Variants in PRKG1 observed in about 807,000 individuals in gnomAD.
The protein encoded by PRKG1 is cGMP-dependent protein kinase 1.
Under a neutral mutation model 88.1 loss-of-function variants are expected in PRKG1, and 35 were observed. The observed-to-expected ratio is 0.40, with a 90% CI of 0.30 to 0.53. PRKG1 has a LOEUF of 0.53. Ranked by LOEUF, PRKG1 falls within the 20% of genes least tolerant of loss-of-function variation. The pLI, the probability that PRKG1 is intolerant of heterozygous loss-of-function variation, is 0.59. For synonymous variants in PRKG1, 303 were observed against 292.5 expected, an observed-to-expected ratio of 1.04 and a Z score of -0.37; for missense variants, 540 against 839.8, an observed-to-expected ratio of 0.64 and a Z score of 4.41.
chr10:51,143,552 A>G (rs1845872571), intron 1 of PRKG1, among the ~76,000 whole-genome samples: 1 of 151,886 alleles, frequency 6.6e-6, no homozygotes, highest in African/African-American at 2.4e-5. Context: ...TCTTCATACT[A>G]TTTTCCGTAA....
intron 2 of PRKG1, among the ~76,000 whole-genome samples, chr10:51,460,160 T>A (rs565671249): frequency 6.6e-6 from 1 of 152,088 alleles, no homozygotes; most frequent in Non-Finnish European, 1.5e-5. Flanking sequence ...CAACCAGGAA[T>A]GTTTCCAGAT....
intron 2 of PRKG1, among the ~76,000 whole-genome samples, chr10:51,448,503 T>C (rs1468067660): frequency 1.3e-5 from 2 of 152,072 alleles, no homozygotes; most frequent in Non-Finnish European, 2.9e-5. Flanking sequence ...TTCTGAGGAT[T>C]GTGACTGCAT....
At chr10:51,724,173 G>A (rs559054703) in intron 3 of PRKG1, among the ~76,000 whole-genome samples, 5 of 152,254 alleles carry the variant, frequency 3.3e-5, no homozygotes, top group African/African-American at 1.2e-4. Flanking sequence ...ATTCAGTTGT[G>A]TACACTATCA....
intron 7 of PRKG1, among the ~76,000 whole-genome samples, chr10:52,132,674 ATC>A (rs1368383356): frequency 6.6e-6 from 1 of 152,092 alleles, no homozygotes; most frequent in African/African-American, 2.4e-5. Flanking sequence ...ATATGTACCT[ATC>A]TCTTTAATAT....
intron 14 of PRKG1, among the ~76,000 whole-genome samples, chr10:52,286,093 C>T (rs1393091422): frequency 6.6e-6 from 1 of 151,920 alleles, no homozygotes; most frequent in African/African-American, 2.4e-5. Flanking sequence ...CATGGAGAAA[C>T]TGATTCAGAA....
intron 1 of PRKG1, among the ~76,000 whole-genome samples, chr10:51,098,935 A>G (rs934699452): frequency 6.6e-6 from 1 of 152,196 alleles, no homozygotes; most frequent in Non-Finnish European, 1.5e-5. Context: ...CCCACCCCAG[A>G]GCAAACCTTG....
chr10:51,677,844 G>A (rs961262113), intron 3 of PRKG1, among the ~76,000 whole-genome samples: 1 of 152,186 alleles, frequency 6.6e-6, no homozygotes, highest in African/African-American at 2.4e-5. Flanking sequence ...TTGCGCATCA[G>A]AAGGAGAGGG....
At chr10:51,339,963 A>G (rs1272825478) in intron 2 of PRKG1, among the ~76,000 whole-genome samples, 1 of 152,108 alleles carries the variant, frequency 6.6e-6, no homozygotes, top group African/African-American at 2.4e-5. Context: ...TAAGGCTTTT[A>G]TCTTTCAAAA....
chr10:51,286,895 G>T (rs1840454778), intron 2 of PRKG1, among the ~76,000 whole-genome samples: 1 of 152,092 alleles, frequency 6.6e-6, no homozygotes, highest in Non-Finnish European at 1.5e-5. Context: ...TTGTCTTGTT[G>T]AGACAGGGTC....
intron 1 of PRKG1, among the ~76,000 whole-genome samples, chr10:51,086,293 G>A (rs1314683331): frequency 6.6e-6 from 1 of 152,158 alleles, no homozygotes; most frequent in Non-Finnish European, 1.5e-5. Flanking sequence ...TTTGCTGAAG[G>A]CATTAACATA....
intron 5 of PRKG1, among the ~76,000 whole-genome samples, chr10:51,955,727 A>G (rs1216625505): frequency 6.6e-6 from 1 of 152,202 alleles, no homozygotes; most frequent in Non-Finnish European, 1.5e-5. Context: ...TACATGGTTA[A>G]TAAAGTAGAG....
intron 2 of PRKG1, among the ~76,000 whole-genome samples, chr10:51,288,412 T>C (rs1395490906): frequency 6.6e-6 from 1 of 152,212 alleles, no homozygotes; most frequent in Non-Finnish European, 1.5e-5. Context: ...TGCATTTAGA[T>C]TAATTATTGA....
At chr10:51,210,045 T>A (rs769690978) in intron 2 of PRKG1, among the ~76,000 whole-genome samples, 7 of 152,090 alleles carry the variant, frequency 4.6e-5, no homozygotes, top group African/African-American at 7.2e-5. Flanking sequence ...AATAAAAAAA[T>A]GAGTAGTTAA....
At chr10:52,133,381 G>T (rs1030822809) in intron 7 of PRKG1, among the ~76,000 whole-genome samples, 3 of 152,020 alleles carry the variant, frequency 2.0e-5, no homozygotes, top group Non-Finnish European at 4.4e-5. Flanking sequence ...TAAAAACAGG[G>T]TCTTTAAAGT....
chr10:51,692,187 G>T (rs996654464), intron 3 of PRKG1, among the ~76,000 whole-genome samples: 1 of 151,884 alleles, frequency 6.6e-6, no homozygotes, highest in Non-Finnish European at 1.5e-5. Context: ...TATGGAGTAT[G>T]ATTTAATAAA....
chr10:51,422,961 G>GTTT (rs57764048), intron 2 of PRKG1, among the ~76,000 whole-genome samples: 280 of 146,124 alleles, frequency 1.9e-3, no homozygotes, highest in South Asian at 3.5e-3. Flanking sequence ...ATTGAAATAG[G>GTTT]TTTTTTTTTT....
chr10:51,127,032 C>T (rs948892696), intron 1 of PRKG1, among the ~76,000 whole-genome samples: 14 of 152,108 alleles, frequency 9.2e-5, no homozygotes, highest in South Asian at 2.1e-4. Flanking sequence ...TAGGCAATAC[C>T]GTTCAAGATG....
At chr10:51,901,031 G>A (rs1471274853) in intron 4 of PRKG1, among the ~76,000 whole-genome samples, 1 of 152,068 alleles carries the variant, frequency 6.6e-6, no homozygotes, top group African/African-American at 2.4e-5. Context: ...TTTCTATGGT[G>A]AGTGTGTGGT....
At chr10:51,938,594 C>T (rs780934619) in intron 5 of PRKG1, among the ~76,000 whole-genome samples, 1 of 151,978 alleles carries the variant, frequency 6.6e-6, no homozygotes, top group Admixed American at 6.6e-5. Flanking sequence ...GATCCTAATA[C>T]ATATGTCATT....
Sources: gnomAD v4.1 joint callset for allele counts (sites outside exome capture counted in the v4.1 genomes callset) on GRCh38, gnomAD v4.1.1 for gene constraint, MANE v1.5 for transcripts, NCBI Gene and HGNC (gene_info 2026-07-23, HGNC 2026-07-21) for gene names.